The following SYNPR variants were observed in gnomAD, a reference collection of about 807,000 sequenced individuals.
SYNPR encodes synaptoporin.
In SYNPR, 23 loss-of-function variants were observed where a neutral mutation model predicts 32.9. That is an observed-to-expected ratio of 0.70 (90% CI 0.50 to 0.99). The LOEUF (loss-of-function observed/expected upper bound fraction) is 0.99. Among genes scored for constraint, SYNPR ranks in the 50% least tolerant of loss-of-function variants. SYNPR has a pLI of 0.00. For synonymous variants in SYNPR, 146 were observed against 135.9 expected (o/e 1.07, Z -0.52); for missense variants, 318 against 349.3 (o/e 0.91, Z 0.71).
At chr3:63,276,909 C>G (rs889009168), upstream of SYNPR, among the ~76,000 whole-genome samples, 3 of 75,364 alleles carry the variant, frequency 4.0e-5, no homozygotes, top group African/African-American at 1.7e-4. Flanking sequence ...CCACCCCCCC[C>G]ACCAACACAC....
chr3:63,305,710 C>T (rs1007235165), intron 2 of SYNPR, among the ~76,000 whole-genome samples: 3 of 151,920 alleles, frequency 2.0e-5, no homozygotes, highest in Non-Finnish European at 4.4e-5. Flanking sequence ...ATGCAGGTGT[C>T]CTACCGACAT....
At chr3:63,409,079 T>C (rs2088427261) in intron 2 of SYNPR, among the ~76,000 whole-genome samples, 1 of 152,128 alleles carries the variant, frequency 6.6e-6, no homozygotes, top group Non-Finnish European at 1.5e-5. Context: ...CATCTGCAGC[T>C]TTCTTTCTTC....
At chr3:63,347,005 A>G (rs937379899) in intron 2 of SYNPR, among the ~76,000 whole-genome samples, 3 of 152,198 alleles carry the variant, frequency 2.0e-5, no homozygotes, top group Admixed American at 2.0e-4. Flanking sequence ...ACTGTGCTAA[A>G]TCTATCTAGA....
intron 2 of SYNPR, among the ~76,000 whole-genome samples, chr3:63,376,126 G>A (rs2087892670): frequency 6.6e-6 from 1 of 152,038 alleles, no homozygotes. Flanking sequence ...CTATTTCTCT[G>A]TGTGTTCACT....
chr3:63,269,132 G>C (rs17373891), intron 3 of SYNPR, among the ~76,000 whole-genome samples: 49,312 of 152,080 alleles, frequency 0.32, 8,237 homozygotes, highest in Admixed American at 0.38. Flanking sequence ...ACAAATGCTT[G>C]ACCATGGAAA....
chr3:63,449,711 A>G (rs76834879), intron 2 of SYNPR, among the ~76,000 whole-genome samples: 10,040 of 152,222 alleles, frequency 0.066, 623 homozygotes, highest in East Asian at 0.33. Flanking sequence ...CCCCGAATAT[A>G]CTAGTGCCAT....
At chr3:63,270,899 TTCTTTCC>T (rs1560174536) in intron 3 of SYNPR, among the ~76,000 whole-genome samples, 2 of 55,984 alleles carry the variant, frequency 3.6e-5, no homozygotes, top group African/African-American at 1.4e-4. Context: ...TTCCTTCCTT[TTCTTTCC>T]TTCCTTCCTT....
At chr3:63,562,159 A>G (rs773576173) in intron 4 of SYNPR, among the ~76,000 whole-genome samples, 3 of 152,172 alleles carry the variant, frequency 2.0e-5, no homozygotes, top group Non-Finnish European at 2.9e-5. Flanking sequence ...TGTTCCTTAT[A>G]GTTTTAAAAG....
intron 2 of SYNPR, among the ~76,000 whole-genome samples, chr3:63,454,932 G>A (rs1171010056): frequency 1.3e-5 from 2 of 152,092 alleles, no homozygotes; most frequent in African/African-American, 4.8e-5. Flanking sequence ...TCAAGAAAAT[G>A]TTAGACTTAT....
intron 2 of SYNPR, among the ~76,000 whole-genome samples, chr3:63,336,608 T>A (rs911017272): frequency 5.8e-5 from 6 of 103,692 alleles, no homozygotes; most frequent in African/African-American, 1.8e-4. Context: ...TAACTCAAAA[T>A]AGATGGAGAC....
chr3:63,475,844 T>C (rs1287772312), intron 2 of SYNPR, among the ~76,000 whole-genome samples: 1 of 152,050 alleles, frequency 6.6e-6, no homozygotes, highest in Non-Finnish European at 1.5e-5. Flanking sequence ...AAAGGGGAAA[T>C]TGTCTACATT....
chr3:63,323,755 A>G (rs1358256284), intron 2 of SYNPR, among the ~76,000 whole-genome samples: 1 of 152,152 alleles, frequency 6.6e-6, no homozygotes, highest in Non-Finnish European at 1.5e-5. Flanking sequence ...ATTCAAAGAG[A>G]GTATATTAAA....
chr3:63,414,732 T>G (rs2107122290), intron 2 of SYNPR, among the ~76,000 whole-genome samples: 1 of 152,346 alleles, frequency 6.6e-6, no homozygotes, highest in Non-Finnish European at 1.5e-5. Context: ...CATTACCAAC[T>G]GTCTATATAA....
At chr3:63,392,910 T>C (rs1362969300) in intron 2 of SYNPR, among the ~76,000 whole-genome samples, 1 of 152,186 alleles carries the variant, frequency 6.6e-6, no homozygotes, top group African/African-American at 2.4e-5. Context: ...CTGCCTGCCT[T>C]CCTCAGGGGC....
chr3:63,455,619 G>A (rs1249201338), intron 2 of SYNPR, among the ~76,000 whole-genome samples: 6 of 152,086 alleles, frequency 3.9e-5, no homozygotes, highest in African/African-American at 1.2e-4. Flanking sequence ...TGGCTCCAAA[G>A]TTCTGACAGG....
intron 2 of SYNPR, among the ~76,000 whole-genome samples, chr3:63,371,268 G>A (rs1389162220): frequency 1.3e-5 from 2 of 151,976 alleles, no homozygotes; most frequent in African/African-American, 4.8e-5. Context: ...GACACCGAGA[G>A]CTCTGTGGAG....
chr3:63,256,488 A>G (rs1048246089), intron 2 of SYNPR, among the ~76,000 whole-genome samples: 1 of 152,208 alleles, frequency 6.6e-6, no homozygotes, highest in Non-Finnish European at 1.5e-5. Flanking sequence ...GCAAACTCCA[A>G]CAGACCCGCA....
chr3:63,503,513 T>C (rs559906966), intron 3 of SYNPR, among the ~76,000 whole-genome samples: 9 of 152,246 alleles, frequency 5.9e-5, no homozygotes, highest in Middle Eastern at 3.4e-3. Context: ...CAGAAAACAG[T>C]AGCAAAATTC....
intron 2 of SYNPR, among the ~76,000 whole-genome samples, chr3:63,305,269 C>T (rs1337704790): frequency 6.6e-6 from 1 of 152,064 alleles, no homozygotes; most frequent in Admixed American, 6.6e-5. Context: ...GACAGCTTGA[C>T]TGCAATGTCA....
Sources: gnomAD v4.1 joint callset for allele counts (sites outside exome capture counted in the v4.1 genomes callset) on GRCh38, gnomAD v4.1.1 for gene constraint, MANE v1.5 for transcripts, NCBI Gene and HGNC (gene_info 2026-07-23, HGNC 2026-07-21) for gene names.